PDE7A: variants seen among roughly 807,000 people sequenced by gnomAD.
PDE7A encodes the protein high affinity 3',5'-cyclic-AMP phosphodiesterase 7A.
PDE7A carries 39 observed loss-of-function variants against 64.3 expected under a neutral mutation model. That is an observed-to-expected ratio of 0.61 (90% CI 0.47 to 0.79). The LOEUF is 0.79. Among genes scored for constraint, PDE7A ranks in the 30% least tolerant of loss-of-function variants. PDE7A has a pLI of 0.00. For synonymous variants in PDE7A, 203 were observed against 206.8 expected, an observed-to-expected ratio of 0.98 and a Z score of 0.16; for missense variants, 470 against 582.8, an observed-to-expected ratio of 0.81 and a Z score of 1.99.
chr8:65,804,744 G>C (rs575047265), intron 1 of PDE7A, among the ~76,000 whole-genome samples: 1 of 152,046 alleles, frequency 6.6e-6, no homozygotes, highest in East Asian at 1.9e-4. Context: ...TCACCATGTT[G>C]GCCAGGCTGG....
intron 1 of PDE7A, among the ~76,000 whole-genome samples, chr8:65,835,087 G>T (rs1306262954): frequency 6.6e-6 from 1 of 152,156 alleles, no homozygotes; most frequent in Non-Finnish European, 1.5e-5. Context: ...GCAAGAATAA[G>T]CCATTTAAAT....
rs1179431555 is a variant in PDE7A at position 65,730,171 on chromosome 8, C to CTTTTTTTTTTTTTT, written c.697-2884_697-2871dup. 1.7e-3 allele frequency among the ~76,000 whole-genome samples: 148 copies of CTTTTTTTTTTTTTT among 86,434 alleles called. 14 individuals carry two copies. Among genetic ancestry groups the CTTTTTTTTTTTTTT allele is most frequent in the African/African-American group, 2.9e-3 (61 of 20,936 alleles). 56.7% of individuals were successfully genotyped at this position (86,434 alleles called of 152,430 possible). A position where few individuals can be genotyped will look rare whatever the true frequency, so the allele number is the denominator to read the frequency against. ...TGTGAGGGATCCAGGTTGCGCACTT[C>CTTTTTTTTTTTTTT]TTTTTTTTTTTTTTTTTTTTTTTTT... is the stretch of plus-strand genomic sequence containing the variant. On this transcript the variant is annotated intron_variant, in intron 7 of 12. Coordinates refer to ENST00000401827, the MANE Select transcript of PDE7A (RefSeq NM_001242318.3).
intron 1 of PDE7A, among the ~76,000 whole-genome samples, chr8:65,839,044 T>C (rs1298909306): frequency 6.6e-6 from 1 of 152,222 alleles, no homozygotes; most frequent in African/African-American, 2.4e-5. Context: ...TTAAAACTGA[T>C]GCTCAGTCAG....
chr8:65,721,613 T>C (rs1003967865), intron 12 of PDE7A, among the ~76,000 whole-genome samples: 3 of 152,246 alleles, frequency 2.0e-5, no homozygotes, highest in East Asian at 1.9e-4. Context: ...ATCAATAGCT[T>C]GAGATGAACA....
chr8:65,742,710 G>T (rs1018078943), intron 5 of PDE7A, among the ~76,000 whole-genome samples: 1 of 152,146 alleles, frequency 6.6e-6, no homozygotes. Flanking sequence ...CTGCCCATTT[G>T]TTCCCCAATA....
chr8:65,741,342 T>TA (rs1419991283), intron 5 of PDE7A, among the ~76,000 whole-genome samples: 2 of 152,148 alleles, frequency 1.3e-5, no homozygotes, highest in African/African-American at 4.8e-5. Context: ...ATAAAAGACA[T>TA]ACTAGTCCCA....
At chr8:65,767,935 G>C (rs1034348890) in intron 3 of PDE7A, among the ~76,000 whole-genome samples, 1 of 152,206 alleles carries the variant, frequency 6.6e-6, no homozygotes, top group African/African-American at 2.4e-5. Context: ...AGAAGTTCCA[G>C]AGGCCAGGAC....
intron 3 of PDE7A, among the ~76,000 whole-genome samples, chr8:65,777,182 C>T (rs550460835): frequency 4.1e-5 from 6 of 147,808 alleles, no homozygotes; most frequent in East Asian, 2.0e-4. Flanking sequence ...TGGGTTCAAG[C>T]GATTCTCCTG....
chr8:65,827,788 G>C (rs1810714400), intron 1 of PDE7A, among the ~76,000 whole-genome samples: 2 of 152,200 alleles, frequency 1.3e-5, no homozygotes, highest in Admixed American at 1.3e-4. Context: ...GCCTAGGTGT[G>C]TGGTAGGCTA....
In PDE7A at chr8:65,785,049, G is replaced by A. The variant is rs80324700; in HGVS notation, c.139-2206C>T. Among the ~76,000 whole-genome samples, 1,130 of 151,938 alleles carry A rather than the reference G, an allele frequency of 7.4e-3. 3 individuals carry two copies. The highest frequency in any genetic ancestry group is 0.012 in the Non-Finnish European group (821 of 67,948). ...CTGAAAGCCCTCACTTGGATTTAGTGTGCAAAAGAACTACCCAAAACATTA... is the reference window on the plus strand; with the variant it reads ...CTGAAAGCCCTCACTTGGATTTAGTATGCAAAAGAACTACCCAAAACATTA... On this transcript the variant is annotated intron_variant, in intron 1 of 12. Coordinates refer to ENST00000401827, the MANE Select transcript of PDE7A (RefSeq NM_001242318.3).
chr8:65,730,115 T>C (rs1328658555), intron 7 of PDE7A, among the ~76,000 whole-genome samples: 2 of 147,372 alleles, frequency 1.4e-5, no homozygotes, highest in African/African-American at 5.0e-5. Flanking sequence ...TAGCTTCTCA[T>C]AGGAGCACAA....
rs1806516537 is a variant in PDE7A, at chr8:65,724,257, T to C, written c.1160A>G (p.Gln387Arg). 6.2e-7 allele frequency: 1 copy of C among 1,600,814 alleles called. No homozygotes were observed. Among genetic ancestry groups the C allele is most frequent in the Admixed American group, 1.7e-5 (1 of 59,958 alleles). Residue 387 changes from glutamine (Q) to arginine (R), a missense_variant and splice_region_variant, in exon 11 of 13, where the codon CAA (glutamine) becomes CGA (arginine). Transcript: ENST00000401827. ...TATCACTCAATACTGTAACTTGCCT[T>C]GATGGAAGAATTCCTCCGTTACTTT... ...SEKVTEEFFH[Q>R]GDIEKKYHLG... is the part of the protein sequence containing the mutation.
intron 6 of PDE7A, among the ~76,000 whole-genome samples, chr8:65,735,172 C>T (rs557039590): frequency 6.6e-6 from 1 of 152,286 alleles, no homozygotes; most frequent in East Asian, 1.9e-4. Flanking sequence ...AGCAGCATAA[C>T]ACACAAATCC....
At chr8:65,826,640 G>C (rs1810681730) in intron 1 of PDE7A, among the ~76,000 whole-genome samples, 1 of 152,210 alleles carries the variant, frequency 6.6e-6, no homozygotes, top group African/African-American at 2.4e-5. Context: ...TGCCTGGCAT[G>C]TAAGTGCTCA....
rs540002267 is a variant in PDE7A, at chr8:65,832,551, C to G, written c.138+8820G>C. ...TTTGGCTGCAGTGTAGTAGCACGATCACAATTCACTGCAGCCATGACCTCC... is the reference window on the plus strand; with the variant it reads ...TTTGGCTGCAGTGTAGTAGCACGATGACAATTCACTGCAGCCATGACCTCC... On this transcript the variant is annotated intron_variant, in intron 1 of 12. Transcript: ENST00000401827. 2.0e-5 allele frequency among the ~76,000 whole-genome samples: 3 copies of G among 152,290 alleles called. No individual in the cohort carries two copies. The South Asian group carries it at 6.2e-4, about 32-fold the overall frequency.
intron 3 of PDE7A, among the ~76,000 whole-genome samples, chr8:65,748,251 T>C (rs1807778310): frequency 6.6e-6 from 1 of 152,142 alleles, no homozygotes; most frequent in Non-Finnish European, 1.5e-5. Context: ...ATTACACAAG[T>C]AAAACATTTC....
chr8:65,837,759 T>C (rs1381242097), intron 1 of PDE7A, among the ~76,000 whole-genome samples: 1 of 152,222 alleles, frequency 6.6e-6, no homozygotes, highest in Non-Finnish European at 1.5e-5. Context: ...CAGTACAACA[T>C]ACCATTAATA....
intron 1 of PDE7A, among the ~76,000 whole-genome samples, chr8:65,828,753 T>C (rs1352109827): frequency 6.6e-6 from 1 of 152,132 alleles, no homozygotes; most frequent in Non-Finnish European, 1.5e-5. Context: ...ACAGTGGATT[T>C]TGTCAGTCTT....
chr8:65,738,499 C>T (rs965890271), intron 6 of PDE7A, among the ~76,000 whole-genome samples: 5 of 152,204 alleles, frequency 3.3e-5, no homozygotes, highest in African/African-American at 1.2e-4. Context: ...CTAGGAGAAA[C>T]TGGTGCCTAT....
Sources: allele counts gnomAD v4.1 joint callset (sites outside exome capture counted in the v4.1 genomes callset), GRCh38; gene constraint gnomAD v4.1.1; transcripts MANE v1.5; gene names NCBI Gene and HGNC (gene_info 2026-07-23, HGNC 2026-07-21).